Variants in MSL2 observed in about 807,000 individuals in gnomAD.
MSL2 encodes MSL complex subunit 2.
MSL2 carries 2 observed loss-of-function variants against 35.8 expected under a neutral mutation model. The observed-to-expected ratio is 0.06, with a 90% CI of 0.02 to 0.18. The LOEUF (loss-of-function observed/expected upper bound fraction) is 0.18. Among genes scored for constraint, MSL2 ranks in the 10% least tolerant of loss-of-function variants. The pLI is 1.00. For missense variants in MSL2, 523 were observed against 706.7 expected, an observed-to-expected ratio of 0.74 and a Z score of 2.95; for synonymous variants, 296 against 255.7, an observed-to-expected ratio of 1.16 and a Z score of -1.50.
chr3:136,156,206 T>C (rs778887250), intron 1 of MSL2, among the ~76,000 whole-genome samples: 21 of 152,322 alleles, frequency 1.4e-4, no homozygotes, highest in Middle Eastern at 3.4e-3. Context: ...TTAATCCTAA[T>C]GCGAAACTTA....
rs531488315 is a variant in MSL2, at chr3:136,177,809, T to G, written c.142+17163A>C. On this transcript the variant is annotated intron_variant, in intron 1 of 1. Transcript: ENST00000309993. Reference sequence around the variant, plus strand: ...ACCATTATATTTGAGAGACCAGTGATAGCTAAACATATATGCCAATTTTAC... The same window carrying G: ...ACCATTATATTTGAGAGACCAGTGAGAGCTAAACATATATGCCAATTTTAC... Among the ~76,000 whole-genome samples, 4 of 152,114 alleles carry G rather than the reference T, an allele frequency of 2.6e-5. No individual in the cohort carries two copies. The East Asian group carries it at 7.7e-4, about 29-fold the overall frequency.
At chr3:136,165,745 T>C (rs553608449) in intron 1 of MSL2, among the ~76,000 whole-genome samples, 1 of 152,300 alleles carries the variant, frequency 6.6e-6, no homozygotes, top group African/African-American at 2.4e-5. Context: ...TCATTAATTT[T>C]TAAACCAGAT....
At chr3:136,161,947 T>G (rs962968928) in intron 1 of MSL2, among the ~76,000 whole-genome samples, 1 of 151,976 alleles carries the variant, frequency 6.6e-6, no homozygotes. Flanking sequence ...TATGCATTTT[T>G]TTTTTCTCAA....
intron 1 of MSL2, 139 bp from the exon 2 acceptor site, chr3:136,152,877 T>C (rs534396410): frequency 7.0e-7 from 1 of 1,438,688 alleles, no homozygotes; most frequent in Non-Finnish European, 9.1e-7. Flanking sequence ...AAAATATATC[T>C]TAGAAGAAAC....
At position 136,195,160 on chromosome 3, in the gene MSL2, G is replaced by A; in HGVS notation, c.-47C>T. The A allele has an allele frequency of 1.9e-6, 3 of 1,567,840 alleles. No homozygotes were observed. The highest frequency in any genetic ancestry group is 1.2e-5 in the South Asian group (1 of 85,658). ...GGCTCCCGGTTGAAAAGAAATTCCG[G>A]ATCCAACTTAGTAAGCAGCCAGGGA... On this transcript the variant is annotated 5_prime_UTR_variant, in exon 1 of 2. Transcript: ENST00000309993.
chr3:136,162,763 A>G (rs1370025998), intron 1 of MSL2, among the ~76,000 whole-genome samples: 3 of 152,222 alleles, frequency 2.0e-5, no homozygotes, highest in East Asian at 1.9e-4. Flanking sequence ...TAAAGTAACC[A>G]TAATTTTATA....
intron 1 of MSL2, among the ~76,000 whole-genome samples, chr3:136,172,863 C>G (rs1940066094): frequency 6.6e-6 from 1 of 152,060 alleles, no homozygotes; most frequent in African/African-American, 2.4e-5. Context: ...ACCATACAAA[C>G]TTTAAAACTG....
chr3:136,164,913 T>G (rs1476137890), intron 1 of MSL2, among the ~76,000 whole-genome samples: 1 of 152,056 alleles, frequency 6.6e-6, no homozygotes, highest in Non-Finnish European at 1.5e-5. Flanking sequence ...CTCGCTCTGT[T>G]GCCCACCTGG....
At chr3:136,192,454 C>T (rs1243554667) in intron 1 of MSL2, among the ~76,000 whole-genome samples, 1 of 152,150 alleles carries the variant, frequency 6.6e-6, no homozygotes, top group Non-Finnish European at 1.5e-5. Context: ...GCTGGGATTA[C>T]AGGCACCTGG....
In MSL2 at chr3:136,168,183, T is replaced by G. The variant is rs1163979572; in HGVS notation, c.143-15445A>C. Among the ~76,000 whole-genome samples the G allele has an allele frequency of 2.0e-5, 3 of 151,842 alleles. No individual in the cohort carries two copies. The East Asian group carries it at 5.8e-4, about 29-fold the overall frequency. On this transcript the variant is annotated intron_variant, in intron 1 of 1. Transcript: ENST00000309993. ...TCGCTTGAAGCCAGGAGTTCAAGAT[T>G]AGCTGGGTAATGAAGTGAGACCCCA...
chr3:136,189,287 A>C (rs1308374934), intron 1 of MSL2, among the ~76,000 whole-genome samples: 4 of 148,660 alleles, frequency 2.7e-5, no homozygotes, highest in Non-Finnish European at 4.4e-5. Flanking sequence ...CAACAGAACA[A>C]GACCCTGTCT....
At chr3:136,192,330 C>T (rs7349597) in intron 1 of MSL2, among the ~76,000 whole-genome samples, 57,529 of 151,992 alleles carry the variant, frequency 0.38, 13,609 homozygotes, top group East Asian at 0.81. Flanking sequence ...AGGCACCTGC[C>T]ACCACACCCA....
chr3:136,164,627 A>C (rs1381557485), intron 1 of MSL2, among the ~76,000 whole-genome samples: 1 of 152,174 alleles, frequency 6.6e-6, no homozygotes, highest in Non-Finnish European at 1.5e-5. Flanking sequence ...CTATGTCTCT[A>C]AGAAACCCCC....
chr3:136,156,859 GCAAA>G (rs1387759737), intron 1 of MSL2, among the ~76,000 whole-genome samples: 1 of 151,648 alleles, frequency 6.6e-6, no homozygotes, highest in African/African-American at 2.4e-5. Flanking sequence ...CATCTCAAAA[GCAAA>G]CAAACTAAAT....
Position 136,195,299 on chromosome 3 carries a change from C to A in MSL2, c.-186G>T. The stretch of plus-strand genomic sequence containing the variant: ...TGAAACAATCCTCCCACACATGGGG[C>A]CTTGGCGCCCCTCCGTCCCTGAGAC... On this transcript the variant is annotated 5_prime_UTR_variant, in exon 1 of 2. Transcript: ENST00000309993. The A allele has an allele frequency of 1.4e-6, 2 of 1,402,544 alleles. No individual in the cohort carries two copies. The highest frequency in any genetic ancestry group is 1.8e-6 in the Non-Finnish European group (2 of 1,083,946). 86.9% of individuals were successfully genotyped at this position (1,402,544 alleles called of 1,614,324 possible).
intron 1 of MSL2, among the ~76,000 whole-genome samples, chr3:136,176,226 G>A (rs1371495053): frequency 1.3e-5 from 2 of 152,098 alleles, no homozygotes; most frequent in Non-Finnish European, 2.9e-5. Context: ...AAACTTTTCA[G>A]TGGCCGGCTG....
intron 1 of MSL2, among the ~76,000 whole-genome samples, chr3:136,183,398 G>A (rs912236099): frequency 6.6e-6 from 1 of 152,002 alleles, no homozygotes; most frequent in Non-Finnish European, 1.5e-5. Flanking sequence ...CCACCTCTAT[G>A]AAAAATTTTT....
chr3:136,188,998 T>C (rs1340198742), intron 1 of MSL2, among the ~76,000 whole-genome samples: 2 of 148,770 alleles, frequency 1.3e-5, no homozygotes, highest in Admixed American at 1.4e-4. Flanking sequence ...TGCATAAATA[T>C]ACCCAAGTAG....
In MSL2 at chr3:136,152,185, A is replaced by G. The variant is rs1440164673; in HGVS notation, c.696T>C (p.Ser232=). The change falls in exon 2 of 2, where the codon TCT becomes TCC. Residue 232 remains serine, a synonymous_variant. Transcript: ENST00000309993. The part of the protein sequence containing the change: ...NTVDIKTEDL[S]DSLPPVCDTV... ...TGTCACAAACGGGTGGCAGGCTGTC[A>G]GACAGATCCTCAGTTTTTATGTCAA... 5 of 1,614,084 alleles carry G rather than the reference A, an allele frequency of 3.1e-6. No individual in the cohort carries two copies. The Admixed American group carries it at 8.3e-5, about 27-fold the overall frequency.
Sources: allele counts gnomAD v4.1 joint callset (sites outside exome capture counted in the v4.1 genomes callset), GRCh38; gene constraint gnomAD v4.1.1; transcripts MANE v1.5; gene names NCBI Gene and HGNC (gene_info 2026-07-23, HGNC 2026-07-21).